Variants in FAT2 observed in about 807,000 individuals in gnomAD.
FAT2 encodes protocadherin Fat 2.
FAT2 carries 150 observed loss-of-function variants against 295.3 expected under a neutral mutation model. The ratio of observed to expected loss-of-function variants is 0.51; its 90% CI spans 0.44 to 0.58. The LOEUF is 0.58. FAT2 is among the 20% of genes least tolerant of loss of function. The pLI, the probability that FAT2 is intolerant of heterozygous loss-of-function variation, is 0.00. For missense variants in FAT2, 4,868 were observed against 5,442.7 expected, an observed-to-expected ratio of 0.89 and a Z score of 3.32; for synonymous variants, 2,026 against 2,150.3, an observed-to-expected ratio of 0.94 and a Z score of 1.60.
chr5:151,548,331 T>C (rs575689082), intron 9 of FAT2, among the ~76,000 whole-genome samples: 94 of 151,852 alleles, frequency 6.2e-4, no homozygotes, highest in African/African-American at 2.1e-3. Context: ...TCATTAATTA[T>C]GTATTATAAT....
rs542289996 is a variant in FAT2 at position 151,549,711 on chromosome 5, GT to G, written c.4579-207del. ...CAGTCAATGATTCCTAGGCTCAGCT[GT>G]TTTAATGGATAATTCTATTTTAGGA... On this transcript the variant is annotated intron_variant, in intron 8 of 23. Coordinates refer to ENST00000261800, the MANE Select transcript of FAT2 (RefSeq NM_001447.3). Among the ~76,000 whole-genome samples the G allele has an allele frequency of 5.0e-3, 755 of 152,296 alleles. 7 individuals are homozygous for G. Among genetic ancestry groups the G allele is most frequent in the African/African-American group, 0.018 (735 of 41,552 alleles).
At position 151,563,450 on chromosome 5, in the gene FAT2, G is replaced by T. The variant is rs775232018; in HGVS notation, c.3449C>A (p.Ala1150Asp). 6.2e-7 allele frequency: 1 copy of T among 1,614,252 alleles called. No individual in the cohort carries two copies. The highest frequency in any genetic ancestry group is 1.7e-5 in the Admixed American group (1 of 60,038). The change falls in exon 3 of 24, where the codon GCT (alanine) becomes GAT (aspartate). Residue 1150 changes from alanine (A) to aspartate (D), a missense_variant. By Grantham distance (126) the Ala-to-Asp change is moderately radical. Coordinates refer to ENST00000261800, the MANE Select transcript of FAT2 (RefSeq NM_001447.3). ...TTGAAGCACAGAGGTGCCCACGGGAGCATCCTCCTGGATGGAGGGGTAGAA... is the reference window on the plus strand; with the variant it reads ...TTGAAGCACAGAGGTGCCCACGGGATCATCCTCCTGGATGGAGGGGTAGAA... ...AVFYPSIQED[A>D]PVGTSVLQLD...
At position 151,505,933 on chromosome 5, in the gene FAT2, A is replaced by G. The variant is rs1420405515; in HGVS notation, c.12682T>C (p.Phe4228Leu). 2.7e-5 allele frequency: 42 copies of G among 1,584,702 alleles called. No homozygotes were observed. Among genetic ancestry groups the G allele is most frequent in the Non-Finnish European group, 3.4e-5 (40 of 1,167,820 alleles). Residue 4228 changes from phenylalanine to leucine, a missense_variant, in exon 24 of 24, where the codon TTC (phenylalanine) becomes CTC (leucine). By Grantham distance (22) the Phe-to-Leu change is conservative. Coordinates refer to ENST00000261800, the MANE Select transcript of FAT2 (RefSeq NM_001447.3). ...EPNGLYGGFP[F>L]PLEMENKRAP... The stretch of plus-strand genomic sequence containing the variant: ...CGCTTGTTTTCCATCTCCAGGGGGA[A>G]GGGGAAGCCCCCATAGAGGCCATTA...
intron 19 of FAT2, among the ~76,000 whole-genome samples, chr5:151,519,086 G>A (rs184802373): frequency 6.6e-6 from 1 of 152,368 alleles, no homozygotes; most frequent in East Asian, 1.9e-4. Flanking sequence ...GCTCACACCT[G>A]TAATCCCAGA....
intron 16 of FAT2, 47 bp downstream of exon 16, chr5:151,527,949 G>T (rs748900909): frequency 1.3e-6 from 2 of 1,599,406 alleles, no homozygotes; most frequent in South Asian, 2.2e-5. Context: ...GTGGGACTGT[G>T]TCTCTGCTCT....
Position 151,543,265 on chromosome 5 carries a change from G to T in FAT2, c.7862C>A (p.Thr2621Asn). 5.0e-6 allele frequency: 8 copies of T among 1,614,200 alleles called. No homozygotes were observed. The highest frequency in any genetic ancestry group is 6.8e-6 in the Non-Finnish European group (8 of 1,180,044). The change falls in exon 10 of 24, where the codon ACC (threonine) becomes AAC (asparagine). Residue 2621 changes from threonine to asparagine, a missense_variant. By Grantham distance (65) the Thr-to-Asn change is moderately conservative. This residue lies in a region of FAT2 where 3,297 missense variants were observed against 3,669.4 expected (regional missense o/e 0.90). Transcript: ENST00000261800. ...DADEGQNADV[T>N]YSVNPEDLVK... ...TAGGTCCTCTGGGTTCACTGAGTAGGTGACATCTGCGTTCTGACCTTCATC... is the reference window on the plus strand; with the variant it reads ...TAGGTCCTCTGGGTTCACTGAGTAGTTGACATCTGCGTTCTGACCTTCATC...
rs918881226 is a variant in FAT2, at chr5:151,586,877, A to G, written c.-21+4288T>C. On this transcript the variant is annotated intron_variant, in intron 1 of 23. Coordinates refer to ENST00000261800, the MANE Select transcript of FAT2 (RefSeq NM_001447.3). ...TGGCTCAGGCTGGGCGCAGTGGCCC[A>G]CGCTTGTAATCCCAGCACTTTGGGA... Among the ~76,000 whole-genome samples, 6 of 152,332 alleles carry G rather than the reference A, an allele frequency of 3.9e-5. No homozygotes were observed. The East Asian group carries it at 1.2e-3, about 29-fold the overall frequency.
At chr5:151,523,421 A>G (rs1753687658) in intron 18 of FAT2, among the ~76,000 whole-genome samples, 1 of 152,230 alleles carries the variant, frequency 6.6e-6, no homozygotes, top group Admixed American at 6.5e-5. Flanking sequence ...TACAAAAAAT[A>G]TAACTGAGGC....
In FAT2 at chr5:151,563,433, C is replaced by T. The variant is rs2127641783; in HGVS notation, c.3466G>A (p.Val1156Met). 2 of 1,614,210 alleles carry T rather than the reference C, an allele frequency of 1.2e-6. No homozygotes were observed. The highest frequency in any genetic ancestry group is 1.7e-6 in the Non-Finnish European group (2 of 1,180,040). ...IQEDAPVGTS[V>M]LQLDAWDPDS... ...GGGTCCCAGGCATCCAGTTGAAGCA[C>T]AGAGGTGCCCACGGGAGCATCCTCC... Residue 1156 changes from valine to methionine, a missense_variant, in exon 3 of 24, where the codon GTG (valine) becomes ATG (methionine). By Grantham distance (21) the Val-to-Met change is conservative. Transcript: ENST00000261800.
intron 20 of FAT2, among the ~76,000 whole-genome samples, chr5:151,514,435 C>G (rs1055712153): frequency 6.6e-6 from 1 of 152,066 alleles, no homozygotes; most frequent in African/African-American, 2.4e-5. Context: ...CTATCTCTTT[C>G]TTACTTCGTA....
intron 6 of FAT2, among the ~76,000 whole-genome samples, chr5:151,552,787 G>A (rs1415684920): frequency 6.6e-6 from 1 of 152,230 alleles, no homozygotes; most frequent in Non-Finnish European, 1.5e-5. Flanking sequence ...CCAAAACATT[G>A]AGCATGGCCC....
intron 18 of FAT2, among the ~76,000 whole-genome samples, chr5:151,525,286 A>ACACC (rs1753873269): frequency 6.6e-6 from 1 of 152,184 alleles, no homozygotes; most frequent in East Asian, 1.9e-4. Context: ...TGAAACCCAT[A>ACACC]ACACCACCAC....
chr5:151,553,753 A>C (rs1003334738), intron 5 of FAT2, among the ~76,000 whole-genome samples: 1 of 152,224 alleles, frequency 6.6e-6, no homozygotes, highest in African/African-American at 2.4e-5. Flanking sequence ...TTGAGCACTC[A>C]CTATTATCAG....
At chr5:151,526,374 C>A (rs1157573106) in intron 17 of FAT2, among the ~76,000 whole-genome samples, 1 of 152,168 alleles carries the variant, frequency 6.6e-6, no homozygotes, top group Non-Finnish European at 1.5e-5. Flanking sequence ...ATGATTTCTT[C>A]CTTAGAGGAC....
At position 151,543,425 on chromosome 5, in the gene FAT2, A is replaced by C; in HGVS notation, c.7702T>G (p.Phe2568Val). ...GTGAGGATGATCTTCACCGTGCAGA[A>C]GGCTACTCTTCCTCCTCCATCCCGA... is the stretch of plus-strand genomic sequence containing the variant. Reference protein sequence around the residue: ...MARDGGGRVAFCTVKIILTDE... With the variant: ...MARDGGGRVAVCTVKIILTDE... Residue 2568 changes from phenylalanine (F) to valine (V), a missense_variant, in exon 10 of 24, where the codon TTC becomes GTC. Coordinates refer to ENST00000261800, the MANE Select transcript of FAT2 (RefSeq NM_001447.3). The C allele has an allele frequency of 6.2e-7, 1 of 1,614,102 alleles. No homozygotes were observed. The highest frequency in any genetic ancestry group is 1.1e-5 in the South Asian group (1 of 91,078).
chr5:151,549,458 G>A lies in FAT2; in HGVS notation c.4626C>T (p.Thr1542=), dbSNP rs1366497392. 6.2e-7 allele frequency: 1 copy of A among 1,614,006 alleles called. No homozygotes were observed. The highest frequency in any genetic ancestry group is 1.3e-5 in the African/African-American group (1 of 74,902). The change falls in exon 9 of 24, where the codon ACC becomes ACT. Residue 1542 remains threonine, a synonymous_variant. Transcript: ENST00000261800. ...IPIKRNFVWV[T]IHVEDGNLHP... ...GGAGGTTTCCATCCTCCACATGAAT[G>A]GTCACCCACACGAAGTTCCTCTTGA...
intron 10 of FAT2, among the ~76,000 whole-genome samples, chr5:151,541,049 G>A (rs955283096): frequency 6.6e-6 from 1 of 152,218 alleles, no homozygotes; most frequent in Non-Finnish European, 1.5e-5. Flanking sequence ...AGAAGGCATG[G>A]GAGGAAGTTA....
chr5:151,571,409 T>C (rs1372957699), intron 1 of FAT2, among the ~76,000 whole-genome samples: 1 of 152,196 alleles, frequency 6.6e-6, no homozygotes, highest in Non-Finnish European at 1.5e-5. Context: ...TGCCCTGCTG[T>C]GTGGAGAGCT....
intron 1 of FAT2, among the ~76,000 whole-genome samples, chr5:151,585,884 A>G (rs1018246859): frequency 6.6e-6 from 1 of 152,208 alleles, no homozygotes; most frequent in Non-Finnish European, 1.5e-5. Flanking sequence ...AACACTCTAC[A>G]CACATCAACT....
Sources: gnomAD v4.1 joint callset for allele counts (sites outside exome capture counted in the v4.1 genomes callset) on GRCh38, gnomAD v4.1.1 for gene constraint, gnomAD v4.1.1 regional missense constraint, MANE v1.5 for transcripts, NCBI Gene and HGNC (gene_info 2026-07-23, HGNC 2026-07-21) for gene names.